The following SFMBT2 variants were observed in gnomAD, a reference collection of about 807,000 sequenced individuals.
SFMBT2 encodes the protein Scm like with four mbt domains 2, also known as scm-like with four MBT domains protein 2.
SFMBT2 carries 38 observed loss-of-function variants against 110.1 expected under a neutral mutation model. The ratio of observed to expected loss-of-function variants is 0.35; its 90% CI spans 0.27 to 0.45. The LOEUF is 0.45. Among genes scored for constraint, SFMBT2 ranks in the 20% least tolerant of loss-of-function variants. SFMBT2 has a pLI of 1.00. For missense variants in SFMBT2, 1,011 were observed against 1,094.9 expected, an observed-to-expected ratio of 0.92 and a Z score of 1.08; for synonymous variants, 425 against 425.4, an observed-to-expected ratio of 1.00 and a Z score of 0.01.
At chr10:7,164,435 C>T (rs1476386914) in intron 20 of SFMBT2, 1 of 985,022 alleles carries the variant, frequency 1.0e-6, no homozygotes, top group African/African-American at 1.7e-5. Context: ...TGGCTAAGGG[C>T]ACTCTGGCTA....
intron 1 of SFMBT2, among the ~76,000 whole-genome samples, chr10:7,384,838 C>T (rs981352770): frequency 1.1e-4 from 17 of 152,288 alleles, no homozygotes; most frequent in Middle Eastern, 3.4e-3. Flanking sequence ...AAAATCTGGA[C>T]GTAGGAACTA....
At chr10:7,190,332 T>C (rs1402305468) in intron 15 of SFMBT2, among the ~76,000 whole-genome samples, 2 of 152,214 alleles carry the variant, frequency 1.3e-5, no homozygotes, top group Non-Finnish European at 1.5e-5. Flanking sequence ...CAACAGACAA[T>C]AAAATTTCAA....
chr10:7,315,024 GA>G (rs1564435285), intron 4 of SFMBT2, among the ~76,000 whole-genome samples: 2 of 117,374 alleles, frequency 1.7e-5, no homozygotes, highest in Non-Finnish European at 3.5e-5. Context: ...AGAAAAGAGA[GA>G]GAAAGAAAGA....
At chr10:7,352,267 G>A (rs939516326) in intron 4 of SFMBT2, among the ~76,000 whole-genome samples, 1 of 152,190 alleles carries the variant, frequency 6.6e-6, no homozygotes, top group African/African-American at 2.4e-5. Context: ...CCAGGGTCAG[G>A]TCAGTGCCTG....
chr10:7,178,412 C>A (rs187797071), intron 16 of SFMBT2, among the ~76,000 whole-genome samples: 2 of 152,190 alleles, frequency 1.3e-5, no homozygotes, highest in African/African-American at 4.8e-5. Flanking sequence ...CCACAAGGAA[C>A]TGATTTTATA....
intron 4 of SFMBT2, among the ~76,000 whole-genome samples, chr10:7,292,744 C>T (rs1252517084): frequency 3.3e-5 from 5 of 152,074 alleles, no homozygotes; most frequent in Admixed American, 6.6e-5. Context: ...AGGTGGGGTG[C>T]GATGGCTCAT....
chr10:7,346,349 C>T (rs533062385), intron 4 of SFMBT2, among the ~76,000 whole-genome samples: 13 of 152,254 alleles, frequency 8.5e-5, no homozygotes, highest in African/African-American at 9.6e-5. Context: ...TCATCTTAAA[C>T]AGTAAAAACC....
rs367693549 is a variant in SFMBT2, at chr10:7,213,730, C to T, written c.1330+6681G>A. On this transcript the variant is annotated intron_variant, in intron 11 of 20. Coordinates refer to ENST00000397167, the MANE Select transcript of SFMBT2 (RefSeq NM_001387889.1). Reference sequence around the variant, plus strand: ...AGATCCGTGTGCGAGGCCATGGGCGCGGGCACTCAGATCCGTGTGCGAGGC... The same window carrying T: ...AGATCCGTGTGCGAGGCCATGGGCGTGGGCACTCAGATCCGTGTGCGAGGC... Among the ~76,000 whole-genome samples, 10 of 149,890 alleles carry T rather than the reference C, an allele frequency of 6.7e-5. No homozygotes were observed. In the East Asian group the frequency reaches 1.4e-3, roughly 21 times the overall value.
intron 4 of SFMBT2, chr10:7,348,381 T>C (rs1844187562): frequency 1.4e-6 from 2 of 1,441,064 alleles, no homozygotes; most frequent in Non-Finnish European, 1.8e-6. Flanking sequence ...AACTTGCTCC[T>C]ATAATCCATG....
At chr10:7,320,001 GGAGACAGA>G (rs1353383204) in intron 4 of SFMBT2, among the ~76,000 whole-genome samples, 1 of 135,154 alleles carries the variant, frequency 7.4e-6, no homozygotes, top group East Asian at 2.3e-4. Flanking sequence ...AGACAGAGAG[GGAGACAGA>G]GAAGGAGAGA....
chr10:7,342,643 C>T (rs979873552), intron 4 of SFMBT2, among the ~76,000 whole-genome samples: 2 of 151,906 alleles, frequency 1.3e-5, no homozygotes, highest in African/African-American at 4.8e-5. Context: ...GTGATCCGCC[C>T]GCCTCTGCCT....
chr10:7,236,468 AG>A (rs1173394978), intron 9 of SFMBT2, among the ~76,000 whole-genome samples: 3 of 152,224 alleles, frequency 2.0e-5, no homozygotes, highest in African/African-American at 7.2e-5. Flanking sequence ...AAAAAAGAAC[AG>A]GGTTAAGAGT....
In SFMBT2 at chr10:7,385,440, G is replaced by T. The variant is rs138800444; in HGVS notation, c.-51-3491C>A. On this transcript the variant is annotated intron_variant, in intron 1 of 20. Coordinates refer to ENST00000397167, the MANE Select transcript of SFMBT2 (RefSeq NM_001387889.1). ...TACCGGGAATGTGGAGGGGAGAAGG[G>T]TGTGCAACTGAAGGAAAAAGGTAGG... Among the ~76,000 whole-genome samples, 95 of 152,310 alleles carry T rather than the reference G, an allele frequency of 6.2e-4. No homozygotes were observed. The East Asian group carries it at 0.016, about 26-fold the overall frequency.
chr10:7,228,723 CTTTCTTTCTTTCCTT>C (rs1839994554), intron 9 of SFMBT2, among the ~76,000 whole-genome samples: 7 of 115,240 alleles, frequency 6.1e-5, no homozygotes, highest in African/African-American at 8.1e-5. Flanking sequence ...TTCTTTCTTT[CTTTCTTTCTTTCCTT>C]TCTCTCTCTC....
chr10:7,404,320 T>C (rs1846156229), intron 1 of SFMBT2, among the ~76,000 whole-genome samples: 1 of 152,218 alleles, frequency 6.6e-6, no homozygotes, highest in Non-Finnish European at 1.5e-5. Context: ...TACCTTAAAG[T>C]ATTCAGTTCA....
At chr10:7,233,712 C>T (rs531911176) in intron 9 of SFMBT2, among the ~76,000 whole-genome samples, 30 of 152,192 alleles carry the variant, frequency 2.0e-4, no homozygotes, top group Non-Finnish European at 4.0e-4. Flanking sequence ...TTTGCAATGC[C>T]TTACTCTTCC....
intron 16 of SFMBT2, among the ~76,000 whole-genome samples, chr10:7,179,412 AAAAAC>A (rs1231367095): frequency 5.0e-4 from 76 of 151,320 alleles, no homozygotes; most frequent in African/African-American, 1.8e-3. Flanking sequence ...AAAAAAAAAA[AAAAAC>A]AAAAGAAACA....
At chr10:7,292,482 T>C (rs1842289085) in intron 4 of SFMBT2, among the ~76,000 whole-genome samples, 1 of 152,244 alleles carries the variant, frequency 6.6e-6, no homozygotes, top group African/African-American at 2.4e-5. Flanking sequence ...TGCTACCTAC[T>C]ACTGAGGTTC....
intron 1 of SFMBT2, among the ~76,000 whole-genome samples, chr10:7,384,925 A>AGAAGGTC (rs1211061353): frequency 1.3e-5 from 2 of 152,208 alleles, no homozygotes; most frequent in Non-Finnish European, 2.9e-5. Context: ...TGACCTGCTC[A>AGAAGGTC]CACCTTGTCT....
Sources: allele counts gnomAD v4.1 joint callset (sites outside exome capture counted in the v4.1 genomes callset), GRCh38; gene constraint gnomAD v4.1.1; transcripts MANE v1.5; gene names NCBI Gene and HGNC (gene_info 2026-07-23, HGNC 2026-07-21).